The following PRSS21 variants were observed in gnomAD, a reference collection of about 807,000 sequenced individuals.
The protein encoded by PRSS21 is serine protease 21, also known as testisin.
In PRSS21, 40 loss-of-function variants were observed where a neutral mutation model predicts 31.1. That is an observed-to-expected ratio of 1.29 (90% confidence interval 1.00 to 1.68). The LOEUF (loss-of-function observed/expected upper bound fraction) is 1.68, where lower values mean the gene tolerates loss of function less well. Ranked by LOEUF, PRSS21 falls within the 40% of genes most tolerant of loss-of-function variation. The pLI is 0.00. For synonymous variants in PRSS21, 186 were observed against 167.7 expected (o/e 1.11, Z -0.84); for missense variants, 467 against 412.6 (o/e 1.13, Z -1.14).
At position 2,821,038 on chromosome 16, in the gene PRSS21, A is replaced by C; in HGVS notation, c.634A>C (p.Ser212Arg). 1.2e-6 allele frequency: 2 copies of C among 1,614,132 alleles called. No individual in the cohort carries two copies. The highest frequency in any genetic ancestry group is 1.7e-6 in the Non-Finnish European group (2 of 1,180,008). The change falls in exon 5 of 6, where the codon AGT becomes CGT. Residue 212 changes from serine (S) to arginine (R), a missense_variant. By Grantham distance (110) the Ser-to-Arg change is moderately radical. Coordinates refer to ENST00000005995, the MANE Select transcript of PRSS21 (RefSeq NM_006799.4). ...GTGCAACCACCTCTTCCTCAAGTAC[A>C]GTTTCCGCAAGGACATCTTTGGAGA... is the stretch of plus-strand genomic sequence containing the variant. ...SMCNHLFLKY[S>R]FRKDIFGDMV...
In PRSS21 at chr16:2,817,251, G is replaced by T. The variant is rs1405453221; in HGVS notation, c.-18G>T. ...CGAGAGGAGGCAGAGGGGGCGTCAGGCCGCGGGAGAGGAGGCCATGGGCGC... is the reference window on the plus strand; with the variant it reads ...CGAGAGGAGGCAGAGGGGGCGTCAGTCCGCGGGAGAGGAGGCCATGGGCGC... On this transcript the variant is annotated 5_prime_UTR_variant, in exon 1 of 6. Transcript: ENST00000005995. This position sits in a 1 kb window ranked among gnomAD's most constrained non-coding sequence, Gnocchi z 4.2. 2 of 1,510,206 alleles carry T rather than the reference G, an allele frequency of 1.3e-6. No individual in the cohort carries two copies. The highest frequency in any genetic ancestry group is 5.2e-5 in the East Asian group (2 of 38,358). The allele number at this position is 1,510,206 out of a possible 1,614,324, so 93.6% of individuals were successfully genotyped here.
rs376152076 is a variant in PRSS21, at chr16:2,817,973, G to A, written c.257+7G>A. Reference sequence around the variant, plus strand: ...CGGCGCACTGCTTTGAAACGTGAGTGGGGGTGCGAACGGAGGGGTGCGGGG... The same window carrying A: ...CGGCGCACTGCTTTGAAACGTGAGTAGGGGTGCGAACGGAGGGGTGCGGGG... On this transcript the variant is annotated splice_region_variant and intron_variant, in intron 3 of 5. Transcript: ENST00000005995. The surrounding 1 kb of genome is among the most constrained non-coding windows in gnomAD (Gnocchi z 4.2). The A allele has an allele frequency of 2.0e-5, 31 of 1,546,490 alleles. 1 individual carries two copies. In the East Asian group the frequency reaches 2.7e-4, roughly 13 times the overall value.
At position 2,821,459 on chromosome 16, in the gene PRSS21, C is replaced by A. The variant is rs146520280; in HGVS notation, c.799C>A (p.Arg267=). Residue 267 remains arginine (R), a synonymous_variant, in exon 6 of 6, where the codon CGG becomes AGG. Transcript: ENST00000005995. ...GGGAGTGGGCTGTGGTCGGCCCAAT[C>A]GGCCCGGTGTCTACACCAATATCAG... ...SWGVGCGRPN[R]PGVYTNISHH... The A allele has an allele frequency of 6.2e-7, 1 of 1,614,216 alleles. No homozygotes were observed. The highest frequency in any genetic ancestry group is 2.2e-5 in the East Asian group (1 of 44,884).
chr16:2,817,601 C>A lies in PRSS21; in HGVS notation c.91+145C>A, dbSNP rs1442266223. The A allele has an allele frequency of 3.7e-6, 5 of 1,344,810 alleles. No individual in the cohort carries two copies. In the African/African-American group the frequency reaches 5.8e-5, roughly 16 times the overall value. The allele number at this position is 1,344,810 out of a possible 1,614,324, so 83.3% of individuals were successfully genotyped here. On this transcript the variant is annotated intron_variant, in intron 2 of 5. Transcript: ENST00000005995. The surrounding 1 kb of genome is among the most constrained non-coding windows in gnomAD (Gnocchi z 4.2). The stretch of plus-strand genomic sequence containing the variant: ...CTCTGTTGGCGTGGAAAGTAACTAA[C>A]GGACGCTGGAGGGGGATGGGCGGGC...
In PRSS21 at chr16:2,818,884, C is replaced by T. The variant is rs2074905; in HGVS notation, c.465C>T (p.Pro155=). 6.7e-3 allele frequency: 10,854 copies of T among 1,614,246 alleles called. 549 individuals carry two copies. In the Admixed American group the frequency reaches 0.095, roughly 14 times the overall value. The change falls in exon 4 of 6, where the codon CCC becomes CCT. Residue 155 remains proline, a synonymous_variant. Transcript: ENST00000005995. ...TCACCTACACTAAACACATCCAGCC[C>T]ATCTGTCTCCAGGCCTCCACATTTG... is the stretch of plus-strand genomic sequence containing the variant. ...APVTYTKHIQ[P]ICLQASTFEF... is the part of the protein sequence containing the mutation.
At chr16:2,819,470 G>A (rs554535737) in intron 4 of PRSS21, among the ~76,000 whole-genome samples, 1 of 152,298 alleles carries the variant, frequency 6.6e-6, no homozygotes, top group East Asian at 1.9e-4. Context: ...GGCCTGCCCT[G>A]GCACCTGCGT....
In PRSS21 at chr16:2,817,904, C is replaced by T. The variant is rs749575683; in HGVS notation, c.195C>T (p.His65=). 6.5e-7 allele frequency: 1 copy of T among 1,549,550 alleles called. No individual in the cohort carries two copies. Among genetic ancestry groups the T allele is most frequent in the Non-Finnish European group, 8.7e-7 (1 of 1,146,880 alleles). Reference sequence around the variant, plus strand: ...GGAGCCTGCGCCTGTGGGATTCCCACGTATGCGGAGTGAGCCTGCTCAGCC... The same window carrying T: ...GGAGCCTGCGCCTGTGGGATTCCCATGTATGCGGAGTGAGCCTGCTCAGCC... ...WQGSLRLWDS[H]VCGVSLLSHR... The change falls in exon 3 of 6, where the codon CAC becomes CAT. Residue 65 remains histidine, a synonymous_variant. Coordinates refer to ENST00000005995, the MANE Select transcript of PRSS21 (RefSeq NM_006799.4). This position sits in a 1 kb window ranked among gnomAD's most constrained non-coding sequence, Gnocchi z 4.2.
Position 2,817,825 on chromosome 16 carries a change from C to T in PRSS21, c.116C>T (p.Thr39Met), listed in dbSNP as rs533252177. The T allele has an allele frequency of 1.9e-6, 3 of 1,550,780 alleles. No homozygotes were observed. The highest frequency in any genetic ancestry group is 2.4e-5 in the South Asian group (2 of 84,072). ...GGACCATGCGGCCGACGGGTCATCA[C>T]GTCGCGCATCGTGGGTGGAGAGGAC... ...LSGPCGRRVI[T>M]SRIVGGEDAE... The change falls in exon 3 of 6, where the codon ACG (threonine) becomes ATG (methionine). Residue 39 changes from threonine (T) to methionine (M), a missense_variant. Thr to Met is a moderately conservative substitution (Grantham distance 81). Coordinates refer to ENST00000005995, the MANE Select transcript of PRSS21 (RefSeq NM_006799.4). This position sits in a 1 kb window ranked among gnomAD's most constrained non-coding sequence, Gnocchi z 4.2.
rs1171094722 is a variant in PRSS21, at chr16:2,817,387, C to T, written c.65-43C>T. On this transcript the variant is annotated intron_variant, in intron 1 of 5. Coordinates refer to ENST00000005995, the MANE Select transcript of PRSS21 (RefSeq NM_006799.4). The surrounding 1 kb of genome is among the most constrained non-coding windows in gnomAD (Gnocchi z 4.2). Reference sequence around the variant, plus strand: ...GGAGGCGGGGGAGCGGTGGGGAGGACGGGAGGTGGAGGCCGCGGGGAGTCA... The same window carrying T: ...GGAGGCGGGGGAGCGGTGGGGAGGATGGGAGGTGGAGGCCGCGGGGAGTCA... 8 of 1,588,464 alleles carry T rather than the reference C, an allele frequency of 5.0e-6. No individual in the cohort carries two copies. Among genetic ancestry groups the T allele is most frequent in the African/African-American group, 1.3e-5 (1 of 74,480 alleles).
chr16:2,817,755 TGG>T lies in PRSS21; in HGVS notation c.92-41_92-40del. The T allele has an allele frequency of 6.5e-7, 1 of 1,537,236 alleles. No homozygotes were observed. On this transcript the variant is annotated intron_variant, in intron 2 of 5. Coordinates refer to ENST00000005995, the MANE Select transcript of PRSS21 (RefSeq NM_006799.4). This position sits in a 1 kb window ranked among gnomAD's most constrained non-coding sequence, Gnocchi z 4.2. ...AGGGGAGAAAGGGAGAGGTCGGGCT[TGG>T]GGGGCTGCCTCCCGCGGCTCAGCAG...
chr16:2,820,879 C>T, intron 4 of PRSS21, 76 bp from the exon 5 acceptor site: 1 of 1,492,150 alleles, frequency 6.7e-7, no homozygotes, highest in Non-Finnish European at 9.1e-7. Context: ...GGGCCCCCAC[C>T]CCCGCAGCCT....
chr16:2,817,683 G>A lies in PRSS21; in HGVS notation c.92-118G>A, dbSNP rs878870149. 2.2e-6 allele frequency: 3 copies of A among 1,378,992 alleles called. No homozygotes were observed. The highest frequency in any genetic ancestry group is 2.9e-6 in the Non-Finnish European group (3 of 1,022,410). The allele number at this position is 1,378,992 out of a possible 1,614,324, so 85.4% of individuals were successfully genotyped here. A position where few individuals can be genotyped will look rare whatever the true frequency, so the allele number is the denominator to read the frequency against. ...CACCTACTTCCTGCTGCACACACGC[G>A]AGGGGACCCTGGGTGGGCAAAAACG... is the stretch of plus-strand genomic sequence containing the variant. On this transcript the variant is annotated intron_variant, in intron 2 of 5. Transcript: ENST00000005995. The surrounding 1 kb of genome is among the most constrained non-coding windows in gnomAD (Gnocchi z 4.2).
Position 2,821,436 on chromosome 16 carries a change from G to A in PRSS21, c.776G>A (p.Gly259Glu). ...LWYQIGVVSW[G>E]VGCGRPNRPG... ...TATCAGATTGGAGTCGTGAGCTGGG[G>A]AGTGGGCTGTGGTCGGCCCAATCGG... The change falls in exon 6 of 6, where the codon GGA (glycine) becomes GAA (glutamate). Residue 259 changes from glycine to glutamate, a missense_variant. Gly to Glu is a moderately conservative substitution (Grantham distance 98). Coordinates refer to ENST00000005995, the MANE Select transcript of PRSS21 (RefSeq NM_006799.4). 6.2e-7 allele frequency: 1 copy of A among 1,614,250 alleles called. No individual in the cohort carries two copies. The highest frequency in any genetic ancestry group is 2.2e-5 in the East Asian group (1 of 44,878).
intron 5 of PRSS21, 31 bp from the exon 6 acceptor site, chr16:2,821,335 C>T (rs2069171922): frequency 5.6e-6 from 9 of 1,612,260 alleles, no homozygotes; most frequent in Admixed American, 1.7e-5. Flanking sequence ...TCACTCTGCC[C>T]CAGGCTGACC....
intron 4 of PRSS21, among the ~76,000 whole-genome samples, chr16:2,819,562 G>C (rs1222422373): frequency 6.6e-6 from 1 of 152,180 alleles, no homozygotes; most frequent in Non-Finnish European, 1.5e-5. Context: ...CGTGTTCCCT[G>C]TATCAGGAAT....
In PRSS21 at chr16:2,817,892, G is replaced by T; in HGVS notation, c.183G>T (p.Leu61=). The T allele has an allele frequency of 1.0e-5, 16 of 1,549,604 alleles. No individual in the cohort carries two copies. Among genetic ancestry groups the T allele is most frequent in the Non-Finnish European group, 1.4e-5 (16 of 1,146,952 alleles). ...GGCCGTGGCAGGGGAGCCTGCGCCT[G>T]TGGGATTCCCACGTATGCGGAGTGA... ...GRWPWQGSLR[L]WDSHVCGVSL... Residue 61 remains leucine, a synonymous_variant, in exon 3 of 6, where the codon CTG becomes CTT. Coordinates refer to ENST00000005995, the MANE Select transcript of PRSS21 (RefSeq NM_006799.4). This position sits in a 1 kb window ranked among gnomAD's most constrained non-coding sequence, Gnocchi z 4.2.
At position 2,817,621 on chromosome 16, in the gene PRSS21, G is replaced by T; in HGVS notation, c.91+165G>T. On this transcript the variant is annotated intron_variant, in intron 2 of 5. Transcript: ENST00000005995. The surrounding 1 kb of genome is among the most constrained non-coding windows in gnomAD (Gnocchi z 4.2). ...ACTAACGGACGCTGGAGGGGGATGG[G>T]CGGGCCCTGCAGAGCACGTGGGAGG... 7.8e-7 allele frequency: 1 copy of T among 1,278,718 alleles called. No individual in the cohort carries two copies. Among genetic ancestry groups the T allele is most frequent in the Non-Finnish European group, 1.1e-6 (1 of 943,080 alleles). 79.2% of individuals were successfully genotyped at this position (1,278,718 alleles called of 1,614,324 possible).
chr16:2,818,584 A>G, intron 3 of PRSS21, 93 bp from the exon 4 acceptor site: 1 of 1,309,080 alleles, frequency 7.6e-7, no homozygotes, highest in South Asian at 1.3e-5. Context: ...TAGCAGCAAC[A>G]CCACAGTTTC....
Position 2,821,192 on chromosome 16 carries a change from A to C in PRSS21, c.705+83A>C, listed in dbSNP as rs2069169339. The C allele has an allele frequency of 3.8e-6, 6 of 1,572,950 alleles. No individual in the cohort carries two copies. The Admixed American group carries it at 1.0e-4, about 27-fold the overall frequency. Reference sequence around the variant, plus strand: ...ATTTGACCCTCATGCCAACCCCGGGAGGTGGAGACTGTTGCCCCACTCTGC... The same window carrying C: ...ATTTGACCCTCATGCCAACCCCGGGCGGTGGAGACTGTTGCCCCACTCTGC... On this transcript the variant is annotated intron_variant, in intron 5 of 5. Transcript: ENST00000005995.
Sources: allele counts gnomAD v4.1 joint callset (sites outside exome capture counted in the v4.1 genomes callset), GRCh38; gene constraint gnomAD v4.1.1; non-coding constraint Gnocchi (gnomAD v3.1); transcripts MANE v1.5; gene names NCBI Gene and HGNC (gene_info 2026-07-23, HGNC 2026-07-21).